Variants in GDAP1L1 observed in about 807,000 individuals in gnomAD.
GDAP1L1 encodes ganglioside-induced differentiation-associated protein 1-like 1.
A neutral mutation model predicts 37.1 loss-of-function variants in GDAP1L1; 21 were observed. That is an observed-to-expected ratio of 0.57 (90% CI 0.40 to 0.81). GDAP1L1 has a LOEUF of 0.81. Among genes scored for constraint, GDAP1L1 ranks in the 40% least tolerant of loss-of-function variants. The pLI is 0.00. For missense variants in GDAP1L1, 362 were observed against 491.6 expected (o/e 0.74, Z 2.49); for synonymous variants, 193 against 209.1 (o/e 0.92, Z 0.67).
Position 44,279,410 on chromosome 20 carries a change from C to T in GDAP1L1, c.*110C>T. On this transcript the variant is annotated 3_prime_UTR_variant, in exon 6 of 6. Coordinates refer to ENST00000342560, the MANE Select transcript of GDAP1L1 (RefSeq NM_024034.6). ...TGAACACTTGGACAGCCCTCCCCGC[C>T]CTTCGTTCTGAGTAATAATACCGTC... The T allele has an allele frequency of 1.3e-6, 1 of 761,464 alleles. No individual in the cohort carries two copies. 47.2% of individuals were successfully genotyped at this position (761,464 alleles called of 1,614,324 possible).
At position 44,264,867 on chromosome 20, in the gene GDAP1L1, G is replaced by A. The variant is rs780994824; in HGVS notation, c.760+308G>A. The A allele has an allele frequency of 1.3e-5, 14 of 1,114,706 alleles. No individual in the cohort carries two copies. The South Asian group carries it at 2.2e-4, about 17-fold the overall frequency. The allele number at this position is 1,114,706 out of a possible 1,614,324, so 69.1% of individuals were successfully genotyped here. On this transcript the variant is annotated intron_variant, in intron 5 of 5. Coordinates refer to ENST00000342560, the MANE Select transcript of GDAP1L1 (RefSeq NM_024034.6). The stretch of plus-strand genomic sequence containing the variant: ...ATACACGTAGAGTGCTTAGATCAGG[G>A]CTTAGCACACAGTAGGTGTTTAATA...
At position 44,258,510 on chromosome 20, in the gene GDAP1L1, C is replaced by T. The variant is rs749323069; in HGVS notation, c.450C>T (p.Asp150=). 4 of 1,567,520 alleles carry T rather than the reference C, an allele frequency of 2.6e-6. No homozygotes were observed. The highest frequency in any genetic ancestry group is 2.4e-5 in the East Asian group (1 of 41,964). The change falls in exon 3 of 6, where the codon GAC becomes GAT. Residue 150 remains aspartate, a synonymous_variant. Coordinates refer to ENST00000342560, the MANE Select transcript of GDAP1L1 (RefSeq NM_024034.6). ...ARVLQYRELL[D]ALPMDAYTHG... ...TGCTGCAGTACCGGGAGCTGCTGGA[C>T]GCACTGCCCATGGATGCCTACACGC...
In GDAP1L1 at chr20:44,280,066, C is replaced by T; in HGVS notation, c.*766C>T. On this transcript the variant is annotated 3_prime_UTR_variant, in exon 6 of 6. Coordinates refer to ENST00000342560, the MANE Select transcript of GDAP1L1 (RefSeq NM_024034.6). The stretch of plus-strand genomic sequence containing the variant: ...ACTTTCAGTAAAAGCCATGTTGACC[C>T]TCTCTCAGAAGGTCAGTCCAGCCCA... The T allele has an allele frequency of 3.0e-6, 1 of 331,648 alleles. No individual in the cohort carries two copies. Among genetic ancestry groups the T allele is most frequent in the African/African-American group, 2.1e-5 (1 of 46,552 alleles). The allele number at this position is 331,648 out of a possible 1,614,324, so 20.5% of individuals were successfully genotyped here. A position where few individuals can be genotyped will look rare whatever the true frequency, so the allele number is the denominator to read the frequency against.
Position 44,259,492 on chromosome 20 carries a change from A to ATT in GDAP1L1, c.547+903_547+904dup, listed in dbSNP as rs11481104. 9.7e-3 allele frequency among the ~76,000 whole-genome samples: 1,289 copies of ATT among 132,506 alleles called. 12 individuals carry two copies. Among genetic ancestry groups the ATT allele is most frequent in the East Asian group, 0.014 (64 of 4,420 alleles). 86.9% of individuals were successfully genotyped at this position (132,506 alleles called of 152,430 possible). A position where few individuals can be genotyped will look rare whatever the true frequency, so the allele number is the denominator to read the frequency against. ...CCATTGTCATTGAACAAGACTCAGA[A>ATT]TTTTTTTTTTTTTTTTTTTGTGAGA... On this transcript the variant is annotated intron_variant, in intron 3 of 5. Transcript: ENST00000342560.
At chr20:44,268,472 T>C (rs987539216) in intron 5 of GDAP1L1, among the ~76,000 whole-genome samples, 8 of 152,196 alleles carry the variant, frequency 5.3e-5, no homozygotes, top group African/African-American at 1.9e-4. Flanking sequence ...GATAAACTAA[T>C]GAGTAAAACT....
At chr20:44,276,458 A>AAGAAAGAAAGAAAG (rs1456856510) in intron 5 of GDAP1L1, among the ~76,000 whole-genome samples, 54 of 150,118 alleles carry the variant, frequency 3.6e-4, no homozygotes, top group African/African-American at 1.3e-3. Flanking sequence ...GAAAGAAAGA[A>AAGAAAGAAAGAAAG]AGAAAGAAAA....
chr20:44,259,659 C>T (rs962633610), intron 3 of GDAP1L1, among the ~76,000 whole-genome samples: 1 of 152,050 alleles, frequency 6.6e-6, no homozygotes, highest in Non-Finnish European at 1.5e-5. Flanking sequence ...CCATGCCTTG[C>T]TAATTTTTTG....
intron 1 of GDAP1L1, among the ~76,000 whole-genome samples, chr20:44,255,353 C>A (rs1022662138): frequency 6.6e-6 from 1 of 151,820 alleles, no homozygotes; most frequent in Non-Finnish European, 1.5e-5. Flanking sequence ...ACCAGCCTAG[C>A]CAATATGGTG....
At chr20:44,258,193 C>T (rs2073599772) in intron 2 of GDAP1L1, 2 of 717,720 alleles carry the variant, frequency 2.8e-6, no homozygotes, top group Non-Finnish European at 5.2e-6. Flanking sequence ...GTCTAGGACC[C>T]CGCCTGGCAG....
In GDAP1L1 at chr20:44,251,420, A is replaced by T. The variant is rs144263645; in HGVS notation, c.180+3906A>T. Among the ~76,000 whole-genome samples the T allele has an allele frequency of 8.2e-3, 1,253 of 152,220 alleles. 22 individuals carry two copies. The highest frequency in any genetic ancestry group is 0.028 in the African/African-American group (1,173 of 41,532). On this transcript the variant is annotated intron_variant, in intron 1 of 5. Coordinates refer to ENST00000342560, the MANE Select transcript of GDAP1L1 (RefSeq NM_024034.6). ...AGCCTTCAGATCCCAGGGGCAAGAG[A>T]CCCAAGTCTGGGGCCTGCCAGAGGC... is the stretch of plus-strand genomic sequence containing the variant.
In GDAP1L1 at chr20:44,265,726, A is replaced by G. The variant is rs530123255; in HGVS notation, c.760+1167A>G. ...CTGTCCCATTACTAGTTTAATACAT[A>G]TGGCAGCTAAAGGGACACACATTCT... On this transcript the variant is annotated intron_variant, in intron 5 of 5. Transcript: ENST00000342560. Among the ~76,000 whole-genome samples, 8 of 152,308 alleles carry G rather than the reference A, an allele frequency of 5.3e-5. No individual in the cohort carries two copies. In the East Asian group the frequency reaches 1.5e-3, roughly 29 times the overall value.
chr20:44,268,239 A>T lies in GDAP1L1; in HGVS notation c.760+3680A>T, dbSNP rs796565446. On this transcript the variant is annotated intron_variant, in intron 5 of 5. Transcript: ENST00000342560. ...ACCTCCTAGCTCTGTGACCTTGTGGAACTCACTTCATCTCTCTGAGCTCAT... is the reference window on the plus strand; with the variant it reads ...ACCTCCTAGCTCTGTGACCTTGTGGTACTCACTTCATCTCTCTGAGCTCAT... Among the ~76,000 whole-genome samples the T allele has an allele frequency of 4.6e-5, 7 of 152,358 alleles. No individual in the cohort carries two copies. In the South Asian group the frequency reaches 1.4e-3, roughly 32 times the overall value.
At chr20:44,260,310 G>A (rs948191506) in intron 3 of GDAP1L1, among the ~76,000 whole-genome samples, 10 of 149,978 alleles carry the variant, frequency 6.7e-5, no homozygotes, top group Admixed American at 5.3e-4. Flanking sequence ...AACATCTAGT[G>A]TGCTCTCATT....
chr20:44,256,928 A>T (rs765194751), intron 1 of GDAP1L1, among the ~76,000 whole-genome samples: 2 of 152,190 alleles, frequency 1.3e-5, no homozygotes, highest in Non-Finnish European at 2.9e-5. Context: ...GCCACCAGGC[A>T]GCACTGCCCT....
chr20:44,249,768 C>G (rs191309052), intron 1 of GDAP1L1, among the ~76,000 whole-genome samples: 13 of 152,334 alleles, frequency 8.5e-5, no homozygotes, highest in African/African-American at 3.1e-4. Flanking sequence ...CTTCCCCCTA[C>G]CCAGGGGCCC....
chr20:44,261,010 G>A (rs1326403542), intron 3 of GDAP1L1, among the ~76,000 whole-genome samples: 1 of 152,186 alleles, frequency 6.6e-6, no homozygotes, highest in Non-Finnish European at 1.5e-5. Context: ...GGAATTAGGG[G>A]CACTCTCCCT....
intron 1 of GDAP1L1, among the ~76,000 whole-genome samples, chr20:44,252,898 C>G (rs1240824833): frequency 6.6e-6 from 1 of 152,048 alleles, no homozygotes; most frequent in Non-Finnish European, 1.5e-5. Context: ...CTGCTCTGCT[C>G]CAGACACACT....
Position 44,263,342 on chromosome 20 carries a change from G to A in GDAP1L1, c.645+15G>A. ...AGAAGCTCATGGTGAGTACCTCCCG[G>A]CCTGCTGAGTCCCCTTCCCTACGAG... On this transcript the variant is annotated intron_variant, in intron 4 of 5. Transcript: ENST00000342560. The A allele has an allele frequency of 6.4e-7, 1 of 1,554,188 alleles. No individual in the cohort carries two copies. Among genetic ancestry groups the A allele is most frequent in the Non-Finnish European group, 8.9e-7 (1 of 1,125,436 alleles).
At chr20:44,256,088 A>C (rs1333285428) in intron 1 of GDAP1L1, among the ~76,000 whole-genome samples, 1 of 152,204 alleles carries the variant, frequency 6.6e-6, no homozygotes, top group East Asian at 1.9e-4. Flanking sequence ...CAGGGCAGAG[A>C]GCACTGGTTT....
Sources: gnomAD v4.1 joint callset for allele counts (sites outside exome capture counted in the v4.1 genomes callset) on GRCh38, gnomAD v4.1.1 for gene constraint, MANE v1.5 for transcripts, NCBI Gene and HGNC (gene_info 2026-07-23, HGNC 2026-07-21) for gene names.